Variants in MCPH1 observed in about 807,000 individuals in gnomAD.
MCPH1 encodes the protein microcephalin 1, also known as microcephalin.
Under a neutral mutation model 84.5 loss-of-function variants are expected in MCPH1, and 104 were observed. The ratio of observed to expected loss-of-function variants is 1.23; its 90% CI spans 1.05 to 1.45. MCPH1 has a LOEUF of 1.45. MCPH1 is among the 40% of genes most tolerant of loss of function. The probability of loss-of-function intolerance (pLI) is 0.00; values close to 1 mark genes in which losing one functional copy is unlikely to be tolerated. For missense variants in MCPH1, 1,498 were observed against 1,005.7 expected, an observed-to-expected ratio of 1.49 and a Z score of -6.62; for synonymous variants, 514 against 366.8, an observed-to-expected ratio of 1.40 and a Z score of -4.58.
chr8:6,609,987 G>A (rs1309354838), intron 12 of MCPH1, among the ~76,000 whole-genome samples: 1 of 152,136 alleles, frequency 6.6e-6, no homozygotes, highest in Non-Finnish European at 1.5e-5. Flanking sequence ...AAACATCTCA[G>A]TATTAAAAGC....
At chr8:6,437,610 C>T (rs759288795) in intron 5 of MCPH1, among the ~76,000 whole-genome samples, 64 of 152,200 alleles carry the variant, frequency 4.2e-4, no homozygotes, top group African/African-American at 7.5e-4. Context: ...ACATAATTTT[C>T]CAGAAACATG....
At chr8:6,522,331 G>A (rs981212480) in intron 12 of MCPH1, among the ~76,000 whole-genome samples, 3 of 151,944 alleles carry the variant, frequency 2.0e-5, no homozygotes, top group African/African-American at 7.3e-5. Context: ...CTCCAGCCTG[G>A]GCGACAGAGC....
chr8:6,546,099 A>G (rs1224217856), intron 12 of MCPH1, among the ~76,000 whole-genome samples: 1 of 152,174 alleles, frequency 6.6e-6, no homozygotes, highest in Non-Finnish European at 1.5e-5. Flanking sequence ...TTCTAACATC[A>G]CATTTCTGGT....
Position 6,621,583 on chromosome 8 carries a change from T to A in MCPH1, c.2344T>A (p.Cys782Ser). ...VAKLCELVHL[C>S]GGRVSQVPRQ... ...CAAGCTCTGTGAACTAGTCCACCTG[T>A]GCGGAGGCCGGGTCAGCCAAGTCCC... The change falls in exon 13 of 14, where the codon TGC becomes AGC. Residue 782 changes from cysteine (C) to serine (S), a missense_variant. Cys to Ser is a moderately radical substitution (Grantham distance 112). Transcript: ENST00000344683. 1 of 1,614,186 alleles carries A rather than the reference T, an allele frequency of 6.2e-7. No individual in the cohort carries two copies. The highest frequency in any genetic ancestry group is 1.3e-5 in the African/African-American group (1 of 75,046).
At chr8:6,500,641 G>C (rs1296327147) in intron 12 of MCPH1, 1 of 152,136 alleles carries the variant, frequency 6.6e-6, no homozygotes, top group African/African-American at 2.4e-5. Flanking sequence ...TAGTTATCTA[G>C]GTTGTTGGGT....
intron 12 of MCPH1, among the ~76,000 whole-genome samples, chr8:6,614,748 A>C (rs575882594): frequency 1.3e-5 from 2 of 152,256 alleles, no homozygotes; most frequent in East Asian, 3.9e-4. Context: ...GCTTTCTTAC[A>C]CATGCCTGTG....
At chr8:6,457,804 C>T (rs1267103474) in intron 9 of MCPH1, among the ~76,000 whole-genome samples, 2 of 152,132 alleles carry the variant, frequency 1.3e-5, no homozygotes. Context: ...GCAGGATTTT[C>T]TTCCTAATCC....
At chr8:6,437,941 G>A (rs1477739711) in intron 5 of MCPH1, among the ~76,000 whole-genome samples, 1 of 152,110 alleles carries the variant, frequency 6.6e-6, no homozygotes, top group African/African-American at 2.4e-5. Flanking sequence ...AGTCACAATG[G>A]TGAAAACTTT....
At position 6,562,775 on chromosome 8, in the gene MCPH1, G is replaced by A. The variant is rs768095333; in HGVS notation, c.2215-58679G>A. 21 of 1,613,736 alleles carry A rather than the reference G, an allele frequency of 1.3e-5. No homozygotes were observed. Among genetic ancestry groups the A allele is most frequent in the East Asian group, 2.2e-5 (1 of 44,876 alleles). On this transcript the variant is annotated intron_variant, in intron 12 of 13. Coordinates refer to ENST00000344683, the MANE Select transcript of MCPH1 (RefSeq NM_024596.5). ...GACACGTAGGGGCTGGAGGAAGAGC[G>A]GCAGTTGTCCATCTCTGGCAGGAGG...
rs1000124898 is a variant in MCPH1 at position 6,647,327 on chromosome 8, G to C, written c.*4278G>C. Reference sequence around the variant, plus strand: ...TAGAACTCTCCTACATTGCTGGCATGAGTGCAAAATGATACAGCCACTTTG... The same window carrying C: ...TAGAACTCTCCTACATTGCTGGCATCAGTGCAAAATGATACAGCCACTTTG... On this transcript the variant is annotated 3_prime_UTR_variant, in exon 14 of 14. Coordinates refer to ENST00000344683, the MANE Select transcript of MCPH1 (RefSeq NM_024596.5). 2 of 152,182 alleles carry C rather than the reference G, an allele frequency of 1.3e-5. No individual in the cohort carries two copies. Among genetic ancestry groups the C allele is most frequent in the Non-Finnish European group, 2.9e-5 (2 of 68,038 alleles). 9.4% of individuals were successfully genotyped at this position (152,182 alleles called of 1,614,324 possible).
chr8:6,537,734 A>G (rs920738036), intron 12 of MCPH1, among the ~76,000 whole-genome samples: 2 of 152,120 alleles, frequency 1.3e-5, no homozygotes, highest in Non-Finnish European at 2.9e-5. Flanking sequence ...CTTCTCACCA[A>G]GATTGTCATC....
At chr8:6,442,183 A>G in intron 7 of MCPH1, 27 bp downstream of exon 7, 1 of 1,420,694 alleles carries the variant, frequency 7.0e-7, no homozygotes. Flanking sequence ...CCTTTCTGTG[A>G]TATGTTTAAG....
chr8:6,508,657 G>C, intron 12 of MCPH1: 1 of 588,008 alleles, frequency 1.7e-6, no homozygotes, highest in Non-Finnish European at 3.0e-6. Flanking sequence ...ACGCAGGAGA[G>C]CTTGCTAAGA....
intron 11 of MCPH1, 98 bp downstream of exon 11, chr8:6,480,974 C>T (rs1205297131): frequency 2.0e-5 from 27 of 1,356,062 alleles, no homozygotes; most frequent in Non-Finnish European, 2.5e-5. Flanking sequence ...CGGCGTGCAC[C>T]CTTGTGGATC....
At chr8:6,558,006 T>A (rs1474403389) in intron 12 of MCPH1, among the ~76,000 whole-genome samples, 3 of 152,132 alleles carry the variant, frequency 2.0e-5, no homozygotes, top group African/African-American at 7.2e-5. Context: ...TCACAGGTGG[T>A]GTCTCTGTCT....
At chr8:6,492,465 C>T (rs1005866217) in intron 11 of MCPH1, among the ~76,000 whole-genome samples, 1 of 151,642 alleles carries the variant, frequency 6.6e-6, no homozygotes, top group Non-Finnish European at 1.5e-5. Context: ...TGTGCAGAAG[C>T]TCTTTAGTTT....
At chr8:6,591,160 G>C (rs1452177691) in intron 12 of MCPH1, among the ~76,000 whole-genome samples, 1 of 152,226 alleles carries the variant, frequency 6.6e-6, no homozygotes, top group Non-Finnish European at 1.5e-5. Flanking sequence ...GCCTCCCAAC[G>C]TGCTGGGATT....
intron 3 of MCPH1, among the ~76,000 whole-genome samples, chr8:6,418,840 A>G (rs1429189743): frequency 6.6e-6 from 1 of 151,928 alleles, no homozygotes; most frequent in Non-Finnish European, 1.5e-5. Flanking sequence ...TCAGCCTCCC[A>G]AAGTACTGGG....
intron 8 of MCPH1, among the ~76,000 whole-genome samples, chr8:6,449,606 C>G (rs1297156086): frequency 6.6e-6 from 1 of 151,816 alleles, no homozygotes; most frequent in Non-Finnish European, 1.5e-5. Context: ...GCACTCCATC[C>G]TGGACAACGA....
Sources: allele counts gnomAD v4.1 joint callset (sites outside exome capture counted in the v4.1 genomes callset), GRCh38; gene constraint gnomAD v4.1.1; transcripts MANE v1.5; gene names NCBI Gene and HGNC (gene_info 2026-07-23, HGNC 2026-07-21).